The following HCRTR2 variants were observed in gnomAD, a reference collection of about 807,000 sequenced individuals.
HCRTR2 encodes the protein hypocretin receptor 2.
In HCRTR2, 22 loss-of-function variants were observed where a neutral mutation model predicts 49.0. The ratio of observed to expected loss-of-function variants is 0.45; its 90% CI spans 0.32 to 0.64. HCRTR2 has a LOEUF of 0.64. HCRTR2 is among the 30% of genes least tolerant of loss of function. The probability of loss-of-function intolerance (pLI) is 0.04; values close to 1 mark genes in which losing one functional copy is unlikely to be tolerated. For missense variants in HCRTR2, 491 were observed against 559.4 expected (o/e 0.88, Z 1.23); for synonymous variants, 236 against 205.3 (o/e 1.15, Z -1.28).
intron 1 of HCRTR2, among the ~76,000 whole-genome samples, chr6:55,183,306 A>G (rs1167604034): frequency 2.6e-5 from 4 of 152,212 alleles, no homozygotes; most frequent in Non-Finnish European, 5.9e-5. Flanking sequence ...AATTCAAGTT[A>G]CCCAGGTGAA....
chr6:55,260,237 C>T (rs1766729009), intron 3 of HCRTR2, among the ~76,000 whole-genome samples: 1 of 152,122 alleles, frequency 6.6e-6, no homozygotes, highest in African/African-American at 2.4e-5. Flanking sequence ...GACAACAGGG[C>T]TTCGCAGGTA....
chr6:55,184,812 A>G (rs1286682903), intron 1 of HCRTR2, among the ~76,000 whole-genome samples: 8 of 152,164 alleles, frequency 5.3e-5, no homozygotes, highest in Admixed American at 5.2e-4. Flanking sequence ...TGACTCTAAA[A>G]TGAATTTATA....
At chr6:55,272,060 A>G (rs1408231430) in intron 4 of HCRTR2, among the ~76,000 whole-genome samples, 1 of 152,156 alleles carries the variant, frequency 6.6e-6, no homozygotes, top group Non-Finnish European at 1.5e-5. Context: ...TTACACATGA[A>G]TGTTCATAAC....
At chr6:55,279,885 G>GCATATGATACTTTGATCAATACATA (rs1290246889) in intron 5 of HCRTR2, among the ~76,000 whole-genome samples, 5 of 151,862 alleles carry the variant, frequency 3.3e-5, no homozygotes, top group African/African-American at 1.2e-4. Flanking sequence ...GGAGTTGAAG[G>GCATATGATACTTTGATCAATACATA]CATATGATAC....
At chr6:55,144,565 G>A (rs1378987167) in intron 1 of HCRTR2, among the ~76,000 whole-genome samples, 1 of 152,164 alleles carries the variant, frequency 6.6e-6, no homozygotes, top group East Asian at 1.9e-4. Flanking sequence ...AAAAGCTGGG[G>A]TTTGGTTTCA....
At chr6:55,262,549 CTT>C (rs1766785008) in intron 3 of HCRTR2, among the ~76,000 whole-genome samples, 1 of 123,572 alleles carries the variant, frequency 8.1e-6, no homozygotes, top group Non-Finnish European at 1.6e-5. Context: ...TATAATATAA[CTT>C]ATTATATATT....
chr6:55,156,911 G>A (rs1293016576), intron 1 of HCRTR2, among the ~76,000 whole-genome samples: 2 of 151,934 alleles, frequency 1.3e-5, no homozygotes, highest in South Asian at 4.1e-4. Flanking sequence ...CATCTACAAC[G>A]AAACCACAGC....
intron 1 of HCRTR2, among the ~76,000 whole-genome samples, chr6:55,134,487 A>G (rs944312593): frequency 3.3e-5 from 5 of 151,866 alleles, no homozygotes; most frequent in African/African-American, 9.7e-5. Flanking sequence ...TAGTGAGAGC[A>G]TAAGATTTAC....
chr6:55,132,405 A>G (rs1468321449), intron 1 of HCRTR2, among the ~76,000 whole-genome samples: 2 of 151,914 alleles, frequency 1.3e-5, no homozygotes, highest in African/African-American at 4.8e-5. Flanking sequence ...CAAAGTGGAA[A>G]AGAATGTAGT....
chr6:55,212,882 C>G (rs1350132493), intron 1 of HCRTR2, among the ~76,000 whole-genome samples: 1 of 152,134 alleles, frequency 6.6e-6, no homozygotes, highest in East Asian at 1.9e-4. Flanking sequence ...AAAATTCCAA[C>G]TATGTAGACA....
chr6:55,245,503 A>ATCTATC (rs1554181934), intron 1 of HCRTR2, among the ~76,000 whole-genome samples: 5 of 124,530 alleles, frequency 4.0e-5, no homozygotes, highest in Non-Finnish European at 6.7e-5. Context: ...ATATATATAT[A>ATCTATC]TATCTTCCCC....
At chr6:55,238,013 A>G (rs1766246393) in intron 1 of HCRTR2, among the ~76,000 whole-genome samples, 1 of 152,130 alleles carries the variant, frequency 6.6e-6, no homozygotes, top group Admixed American at 6.5e-5. Flanking sequence ...ATGAATCCCA[A>G]ATATTTACAT....
Position 55,248,727 on chromosome 6 carries a change from C to T in HCRTR2, c.312C>T (p.Thr104=), listed in dbSNP as rs767736643. Residue 104 remains threonine (T), a synonymous_variant, in exon 2 of 7, where the codon ACC becomes ACT. Transcript: ENST00000370862. The part of the protein sequence containing the change: ...VNLSLADVLV[T]ITCLPATLVV... ...TTTCTCTGGCTGATGTGCTCGTGACCATCACCTGCCTTCCAGCCACACTGG... is the reference window on the plus strand; with the variant it reads ...TTTCTCTGGCTGATGTGCTCGTGACTATCACCTGCCTTCCAGCCACACTGG... 5 of 1,613,380 alleles carry T rather than the reference C, an allele frequency of 3.1e-6. No individual in the cohort carries two copies. The Admixed American group carries it at 8.3e-5, about 27-fold the overall frequency.
intron 1 of HCRTR2, among the ~76,000 whole-genome samples, chr6:55,122,291 T>C (rs1764211831): frequency 6.6e-6 from 1 of 152,196 alleles, no homozygotes; most frequent in South Asian, 2.1e-4. Context: ...TTTGTATTTC[T>C]GTGGAATCAG....
At chr6:55,174,511 C>T (rs1764999937), upstream of HCRTR2, 1 of 1,253,102 alleles carries the variant, frequency 8.0e-7, no homozygotes, top group Non-Finnish European at 1.2e-6. Flanking sequence ...CAGCCTTTCC[C>T]ACCGCAAATC....
intron 1 of HCRTR2, among the ~76,000 whole-genome samples, chr6:55,142,631 A>T (rs1764523282): frequency 1.3e-5 from 2 of 152,134 alleles, no homozygotes; most frequent in Non-Finnish European, 2.9e-5. Flanking sequence ...ATATGTAAGT[A>T]GTTAATAGAA....
At chr6:55,107,426 ATCTCTGTC>A (rs1032877642) in intron 1 of HCRTR2, among the ~76,000 whole-genome samples, 2 of 151,912 alleles carry the variant, frequency 1.3e-5, no homozygotes, top group East Asian at 1.9e-4. Context: ...CTTTATTTTT[ATCTCTGTC>A]TCTCTGTCTC....
At chr6:55,240,926 G>T in intron 1 of HCRTR2, 1 of 179,884 alleles carries the variant, frequency 5.6e-6, no homozygotes, top group South Asian at 1.0e-4. Context: ...TAATTGAGAT[G>T]GTGTTGGCCA....
intron 1 of HCRTR2, among the ~76,000 whole-genome samples, chr6:55,163,107 G>T (rs1278052895): frequency 6.6e-6 from 1 of 151,924 alleles, no homozygotes; most frequent in Admixed American, 6.6e-5. Context: ...GTGGTGGCAG[G>T]CGCCTGTAGT....
Sources: gnomAD v4.1 joint callset for allele counts (sites outside exome capture counted in the v4.1 genomes callset) on GRCh38, gnomAD v4.1.1 for gene constraint, MANE v1.5 for transcripts, NCBI Gene and HGNC (gene_info 2026-07-23, HGNC 2026-07-21) for gene names.